Variants in C16orf96 observed in about 807,000 individuals in gnomAD.
C16orf96 encodes uncharacterized protein C16orf96.
In C16orf96, 108 loss-of-function variants were observed where a neutral mutation model predicts 103.6. The observed-to-expected ratio is 1.04, with a 90% CI of 0.89 to 1.22. The LOEUF is 1.22. Among genes scored for constraint, C16orf96 ranks in the 50% most tolerant of loss-of-function variants. The pLI, the probability that C16orf96 is intolerant of heterozygous loss-of-function variation, is 0.00. For missense variants in C16orf96, 1,586 were observed against 1,464.2 expected (o/e 1.08, Z -1.36); for synonymous variants, 566 against 593.5 (o/e 0.95, Z 0.67).
At chr16:4,592,095 G>A (rs551162264) in intron 10 of C16orf96, among the ~76,000 whole-genome samples, 1 of 152,342 alleles carries the variant, frequency 6.6e-6, no homozygotes, top group East Asian at 1.9e-4. Flanking sequence ...CCTGTCCTCA[G>A]ACCACCCCTC....
intron 1 of C16orf96, chr16:4,562,712 A>G (rs2059345149): frequency 5.8e-6 from 3 of 518,934 alleles, no homozygotes; most frequent in Admixed American, 7.9e-5. Flanking sequence ...CAATCCAAAC[A>G]TATAATAGCT....
intron 7 of C16orf96, among the ~76,000 whole-genome samples, chr16:4,583,723 A>G (rs1896846052): frequency 6.6e-6 from 1 of 151,890 alleles, no homozygotes; most frequent in South Asian, 2.1e-4. Flanking sequence ...AGGAGTTTGA[A>G]ACCAGTCTGG....
chr16:4,570,946 A>G (rs1483000420), intron 1 of C16orf96, among the ~76,000 whole-genome samples: 2 of 152,154 alleles, frequency 1.3e-5, no homozygotes, highest in Non-Finnish European at 2.9e-5. Context: ...ACGCGGGCAG[A>G]TTGCTTGAGC....
upstream of C16orf96, among the ~76,000 whole-genome samples, chr16:4,555,082 G>C (rs1046476198): frequency 6.6e-6 from 1 of 151,674 alleles, no homozygotes; most frequent in Non-Finnish European, 1.5e-5. Flanking sequence ...GGCCAACATG[G>C]TGAAACCCCA....
the C16orf96 span, among the ~76,000 whole-genome samples, chr16:4,539,457 G>A: frequency 1.3e-5 from 2 of 152,242 alleles, no homozygotes; most frequent in South Asian, 4.1e-4. Flanking sequence ...GCTGACGCAG[G>A]TGGATCACTT....
Position 4,593,459 on chromosome 16 carries a change from G to C in C16orf96, c.2867+143G>C. The C allele has an allele frequency of 1.3e-6, 1 of 766,326 alleles. No individual in the cohort carries two copies. The highest frequency in any genetic ancestry group is 1.7e-5 in the South Asian group (1 of 59,102). 47.5% of individuals were successfully genotyped at this position (766,326 alleles called of 1,614,324 possible). ...GACATGGCCAGCCCTTCGCAAGACAGGCACTCCGAGAGGTGGCTGGGGCGG... is the reference window on the plus strand; with the variant it reads ...GACATGGCCAGCCCTTCGCAAGACACGCACTCCGAGAGGTGGCTGGGGCGG... On this transcript the variant is annotated intron_variant, in intron 12 of 15. Transcript: ENST00000444310. This position sits in a 1 kb window ranked among gnomAD's most constrained non-coding sequence, Gnocchi z 4.2.
At chr16:4,583,998 A>T (rs1896854836) in intron 7 of C16orf96, among the ~76,000 whole-genome samples, 1 of 152,014 alleles carries the variant, frequency 6.6e-6, no homozygotes, top group African/African-American at 2.4e-5. Context: ...GCATATGACC[A>T]CTACAGGAAG....
intron 7 of C16orf96, among the ~76,000 whole-genome samples, chr16:4,586,131 G>T (rs1896922647): frequency 6.6e-6 from 1 of 152,128 alleles, no homozygotes; most frequent in African/African-American, 2.4e-5. Flanking sequence ...GTGGTGTTGG[G>T]TGTCAGTGAC....
chr16:4,595,845 A>T (rs1339927231), intron 14 of C16orf96, among the ~76,000 whole-genome samples: 1 of 151,800 alleles, frequency 6.6e-6, no homozygotes, highest in East Asian at 2.0e-4. Context: ...TAGCTGGGAT[A>T]ACAGGCACGC....
At chr16:4,568,093 C>T (rs994408830) in intron 1 of C16orf96, among the ~76,000 whole-genome samples, 6 of 151,958 alleles carry the variant, frequency 3.9e-5, no homozygotes, top group South Asian at 2.1e-4. Flanking sequence ...ATTATAGAGA[C>T]GGGAGCTCAC....
At chr16:4,554,961 T>G (rs1004759075), upstream of C16orf96, among the ~76,000 whole-genome samples, 3 of 151,326 alleles carry the variant, frequency 2.0e-5, no homozygotes, top group Admixed American at 1.3e-4. Context: ...GGGCTCTCCT[T>G]CCCAGAAAAT....
upstream of C16orf96, among the ~76,000 whole-genome samples, chr16:4,554,377 G>A (rs2059244332): frequency 6.6e-6 from 1 of 151,522 alleles, no homozygotes; most frequent in South Asian, 2.1e-4. Context: ...TTGAGACAGA[G>A]TCTTGCTCTG....
Position 4,577,954 on chromosome 16 carries a change from C to CA in C16orf96, c.2156-976dup, listed in dbSNP as rs1378787688. On this transcript the variant is annotated intron_variant, in intron 5 of 15. Transcript: ENST00000444310. ...GCGATAGCGAGACTCCTCCTCAAAA[C>CA]AAAAAAAAAAGCCTGAGTGGTGGCG... Among the ~76,000 whole-genome samples, 351 of 144,592 alleles carry CA rather than the reference C, an allele frequency of 2.4e-3. 2 individuals carry two copies. The highest frequency in any genetic ancestry group is 7.8e-3 in the African/African-American group (310 of 39,548). 94.9% of individuals were successfully genotyped at this position (144,592 alleles called of 152,430 possible). A position where few individuals can be genotyped will look rare whatever the true frequency, so the allele number is the denominator to read the frequency against.
At chr16:4,540,930 T>A in the C16orf96 span, among the ~76,000 whole-genome samples, 1 of 150,932 alleles carries the variant, frequency 6.6e-6, no homozygotes, top group African/African-American at 2.4e-5. Context: ...TTTTTTTTTT[T>A]TTTAGATGGA....
Position 4,556,925 on chromosome 16 carries a change from C to G in C16orf96, c.420+16C>G. ...CATGGCCAAGGTACGCCCCCAGCCT[C>G]CAGACACTTCTTTTCCTCCCTTCAC... On this transcript the variant is annotated intron_variant, in intron 1 of 15. Coordinates refer to ENST00000444310, the MANE Select transcript of C16orf96 (RefSeq NM_001145011.2). 6.6e-7 allele frequency: 1 copy of G among 1,522,220 alleles called. No individual in the cohort carries two copies. 94.3% of individuals were successfully genotyped at this position (1,522,220 alleles called of 1,614,324 possible).
intron 5 of C16orf96, among the ~76,000 whole-genome samples, chr16:4,578,185 C>T (rs1313884344): frequency 6.6e-6 from 1 of 150,530 alleles, no homozygotes; most frequent in Non-Finnish European, 1.5e-5. Context: ...ACTTTTGTCG[C>T]CGGTTGGAGT....
the C16orf96 span, among the ~76,000 whole-genome samples, chr16:4,547,916 A>G: frequency 4.6e-5 from 7 of 151,708 alleles, no homozygotes; most frequent in African/African-American, 1.7e-4. Flanking sequence ...CTGAGATTAC[A>G]GGGGTGAGCC....
chr16:4,550,697 C>G, the C16orf96 span, among the ~76,000 whole-genome samples: 1 of 152,220 alleles, frequency 6.6e-6, no homozygotes, highest in African/African-American at 2.4e-5. Context: ...CAGGGCCACA[C>G]AACGCATGCC....
chr16:4,554,503 A>G (rs2059245647), upstream of C16orf96, among the ~76,000 whole-genome samples: 1 of 150,414 alleles, frequency 6.6e-6, no homozygotes, highest in Non-Finnish European at 1.5e-5. Flanking sequence ...GGCACCCGCC[A>G]CCATGCCTGG....
Sources: gnomAD v4.1 joint callset for allele counts (sites outside exome capture counted in the v4.1 genomes callset) on GRCh38, gnomAD v4.1.1 for gene constraint, Gnocchi (gnomAD v3.1) non-coding constraint, MANE v1.5 for transcripts, NCBI Gene and HGNC (gene_info 2026-07-23, HGNC 2026-07-21) for gene names.